MCPH1: variants seen among roughly 807,000 people sequenced by gnomAD.
MCPH1 encodes the protein microcephalin.
MCPH1 carries 104 observed loss-of-function variants against 84.5 expected under a neutral mutation model. The ratio of observed to expected loss-of-function variants is 1.23; its 90% confidence interval spans 1.05 to 1.45. The LOEUF is 1.45. MCPH1 is among the 40% of genes most tolerant of loss of function. MCPH1 has a pLI of 0.00. For synonymous variants in MCPH1, 514 were observed against 366.8 expected (o/e 1.40, Z -4.58); for missense variants, 1,498 against 1,005.7 (o/e 1.49, Z -6.62).
At chr8:6,453,043 G>A (rs1287589833) in intron 8 of MCPH1, among the ~76,000 whole-genome samples, 1 of 152,206 alleles carries the variant, frequency 6.6e-6, no homozygotes, top group Non-Finnish European at 1.5e-5. Flanking sequence ...TATGGGAAGT[G>A]ATGAAATCAC....
chr8:6,613,622 C>T (rs1830500042), intron 12 of MCPH1, among the ~76,000 whole-genome samples: 1 of 151,286 alleles, frequency 6.6e-6, no homozygotes, highest in Admixed American at 6.6e-5. Flanking sequence ...GCCCAAGGGA[C>T]CGGGGGGTGA....
chr8:6,410,906 A>G (rs1042241876), intron 2 of MCPH1, among the ~76,000 whole-genome samples: 47 of 152,268 alleles, frequency 3.1e-4, no homozygotes, highest in African/African-American at 1.1e-3. Context: ...CCTGGCCAAC[A>G]TAGTGAAACC....
intron 12 of MCPH1, among the ~76,000 whole-genome samples, chr8:6,548,508 T>G (rs1823018874): frequency 1.3e-5 from 2 of 152,156 alleles, no homozygotes; most frequent in Non-Finnish European, 2.9e-5. Flanking sequence ...TGCAGCTTAC[T>G]TGCATTTCAG....
At chr8:6,569,207 A>T (rs1203877553) in intron 12 of MCPH1, among the ~76,000 whole-genome samples, 1 of 152,234 alleles carries the variant, frequency 6.6e-6, no homozygotes. Context: ...CTAGAGAAAT[A>T]GCCACAACTG....
chr8:6,573,303 C>T lies in MCPH1; in HGVS notation c.2215-48151C>T, dbSNP rs183455254. On this transcript the variant is annotated intron_variant, in intron 12 of 13. Transcript: ENST00000344683. The stretch of plus-strand genomic sequence containing the variant: ...AGAGAGACCAGAGCAGAAGCTGCTA[C>T]AGTAATTCAGGTTAGATATTATAGT... Among the ~76,000 whole-genome samples the T allele has an allele frequency of 1.9e-4, 29 of 151,996 alleles. No homozygotes were observed. The East Asian group carries it at 5.6e-3, about 29-fold the overall frequency.
intron 1 of MCPH1, chr8:6,407,108 C>T (rs1252018235): frequency 2.0e-5 from 6 of 293,554 alleles, no homozygotes; most frequent in Non-Finnish European, 4.0e-5. Flanking sequence ...TGCCTTAGTC[C>T]CTGGATCTGG....
At chr8:6,595,365 G>A (rs546461402) in intron 12 of MCPH1, among the ~76,000 whole-genome samples, 3 of 152,048 alleles carry the variant, frequency 2.0e-5, no homozygotes, top group Non-Finnish European at 4.4e-5. Context: ...GTGTGGACTC[G>A]AGTCCACAGC....
chr8:6,435,958 A>C, intron 4 of MCPH1, 90 bp from the exon 5 acceptor site: 2 of 1,475,164 alleles, frequency 1.4e-6, no homozygotes, highest in Non-Finnish European at 1.8e-6. Flanking sequence ...CTGATGTTAT[A>C]AAAGGTATCA....
chr8:6,415,699 G>T (rs1799181581), intron 3 of MCPH1, among the ~76,000 whole-genome samples: 1 of 152,070 alleles, frequency 6.6e-6, no homozygotes, highest in African/African-American at 2.4e-5. Context: ...TTTGAAATTG[G>T]GAAGTACGAG....
rs185765895 is a variant in MCPH1 at position 6,473,925 on chromosome 8, T to C, written c.1936-3669T>C. The C allele has an allele frequency of 5.1e-5, 78 of 1,535,010 alleles. No homozygotes were observed. The African/African-American group carries it at 8.7e-4, about 17-fold the overall frequency. Reference sequence around the variant, plus strand: ...TTTTCTAGCTCTTCTGGTTTATTGCTGGGCAGCCGATGCACAACTTCTTCC... The same window carrying C: ...TTTTCTAGCTCTTCTGGTTTATTGCCGGGCAGCCGATGCACAACTTCTTCC... On this transcript the variant is annotated intron_variant, in intron 9 of 13. Coordinates refer to ENST00000344683, the MANE Select transcript of MCPH1 (RefSeq NM_024596.5).
chr8:6,480,679 C>G (rs556369433), intron 10 of MCPH1, 35 bp from the exon 11 acceptor site: 2 of 1,612,016 alleles, frequency 1.2e-6, no homozygotes, highest in African/African-American at 2.7e-5. Flanking sequence ...GCAACAAAGT[C>G]ATTCATTTTG....
intron 12 of MCPH1, among the ~76,000 whole-genome samples, chr8:6,585,725 C>G (rs938069890): frequency 6.6e-6 from 1 of 152,188 alleles, no homozygotes; most frequent in Non-Finnish European, 1.5e-5. Context: ...TTACATGTAA[C>G]TGGTCTTTCC....
chr8:6,431,406 T>C, intron 3 of MCPH1, 93 bp from the exon 4 acceptor site: 1 of 916,628 alleles, frequency 1.1e-6, no homozygotes, highest in South Asian at 1.4e-5. Context: ...AGCTATGGAT[T>C]TCTTAAATTG....
intron 12 of MCPH1, among the ~76,000 whole-genome samples, chr8:6,600,715 A>G (rs892048536): frequency 6.6e-6 from 1 of 152,240 alleles, no homozygotes; most frequent in Non-Finnish European, 1.5e-5. Flanking sequence ...CTATGAAACG[A>G]AAGGATTGGA....
intron 12 of MCPH1, among the ~76,000 whole-genome samples, chr8:6,529,623 A>ATTTT (rs35322987): frequency 1.7e-5 from 2 of 120,970 alleles, no homozygotes; most frequent in African/African-American, 6.2e-5. Flanking sequence ...CGCCTGGCTA[A>ATTTT]TTTTTTTTTT....
chr8:6,642,440 G>C (rs558120297), intron 13 of MCPH1, among the ~76,000 whole-genome samples: 15 of 152,216 alleles, frequency 9.9e-5, no homozygotes, highest in Middle Eastern at 6.8e-3. Context: ...AGTTTCAAAC[G>C]GATGGGACTT....
At chr8:6,616,906 G>A (rs1830848401) in intron 12 of MCPH1, 1 of 152,176 alleles carries the variant, frequency 6.6e-6, no homozygotes, top group South Asian at 2.1e-4. Context: ...GGGAACATTT[G>A]TGCTTCACTG....
intron 12 of MCPH1, among the ~76,000 whole-genome samples, chr8:6,525,326 T>C (rs2442614): frequency 0.082 from 12,429 of 152,168 alleles, 662 homozygotes; most frequent in African/African-American, 0.14. Context: ...AACTCCTAGG[T>C]TCAAGCGATC....
intron 13 of MCPH1, chr8:6,625,409 G>T (rs186063351): frequency 3.0e-6 from 3 of 985,122 alleles, no homozygotes; most frequent in East Asian, 1.1e-4. Flanking sequence ...TTTTCCTCCC[G>T]TTCATTTCCA....
Sources: allele counts gnomAD v4.1 joint callset (sites outside exome capture counted in the v4.1 genomes callset), GRCh38; gene constraint gnomAD v4.1.1; transcripts MANE v1.5; gene names NCBI Gene and HGNC (gene_info 2026-07-23, HGNC 2026-07-21).